Variants in SHROOM3 observed in about 807,000 individuals in gnomAD.
SHROOM3 encodes shroom family member 3.
In SHROOM3, 47 loss-of-function variants were observed where a neutral mutation model predicts 138.6. That is an observed-to-expected ratio of 0.34 (90% CI 0.27 to 0.43). The LOEUF (loss-of-function observed/expected upper bound fraction) is 0.43, where lower values mean the gene tolerates loss of function less well. Ranked by LOEUF, SHROOM3 falls within the 20% of genes least tolerant of loss-of-function variation. The pLI, the probability that SHROOM3 is intolerant of heterozygous loss-of-function variation, is 1.00. For synonymous variants in SHROOM3, 1,062 were observed against 1,063.3 expected, an observed-to-expected ratio of 1.00 and a Z score of 0.02; for missense variants, 2,491 against 2,596.5, an observed-to-expected ratio of 0.96 and a Z score of 0.88.
chr4:76,482,091 G>T (rs1025017350), intron 1 of SHROOM3, among the ~76,000 whole-genome samples: 12 of 152,096 alleles, frequency 7.9e-5, no homozygotes, highest in African/African-American at 2.7e-4. Context: ...TTGAAAACTG[G>T]CATAAGACAA....
At chr4:76,711,838 G>GAAA (rs34892154) in intron 3 of SHROOM3, among the ~76,000 whole-genome samples, 14 of 142,786 alleles carry the variant, frequency 9.8e-5, no homozygotes, top group African/African-American at 2.8e-4. Context: ...GATTTCATTT[G>GAAA]AAAAAAAAAA....
chr4:76,682,171 T>G (rs1045592693), intron 2 of SHROOM3, among the ~76,000 whole-genome samples: 2 of 152,192 alleles, frequency 1.3e-5, no homozygotes, highest in South Asian at 4.1e-4. Flanking sequence ...TCTGTTGTGT[T>G]CCCTTGTTTT....
Position 76,741,812 on chromosome 4 carries a change from G to C in SHROOM3, c.3639G>C (p.Gly1213=). 6.3e-7 allele frequency: 1 copy of C among 1,588,326 alleles called. No homozygotes were observed. Among genetic ancestry groups the C allele is most frequent in the Non-Finnish European group, 8.6e-7 (1 of 1,167,920 alleles). ...CCCCCAGGGAGCCATCCTCCTGGGG[G>C]GCCAGGGCCGGGAAGTCCATGTCGG... ...DETPREPSSW[G]ARAGKSMSAE... is the part of the protein sequence containing the mutation. Residue 1213 remains glycine, a synonymous_variant, in exon 5 of 11, where the codon GGG becomes GGC. Transcript: ENST00000296043. The surrounding 1 kb of genome is among the most constrained non-coding windows in gnomAD (Gnocchi z 6.2).
chr4:76,711,198 G>A (rs1478791252), intron 3 of SHROOM3, among the ~76,000 whole-genome samples: 1 of 152,134 alleles, frequency 6.6e-6, no homozygotes, highest in Non-Finnish European at 1.5e-5. Context: ...TTCAAGCCTA[G>A]ATTCTGCCAC....
At chr4:76,624,312 G>A (rs1213198226) in intron 2 of SHROOM3, among the ~76,000 whole-genome samples, 1 of 152,088 alleles carries the variant, frequency 6.6e-6, no homozygotes, top group African/African-American at 2.4e-5. Context: ...TTTTCTTCTG[G>A]ATGCTGTGTC....
At position 76,741,944 on chromosome 4, in the gene SHROOM3, G is replaced by C; in HGVS notation, c.3753+18G>C. The C allele has an allele frequency of 6.2e-7, 1 of 1,610,148 alleles. No homozygotes were observed. The highest frequency in any genetic ancestry group is 8.5e-7 in the Non-Finnish European group (1 of 1,179,110). ...AGCGCCAGGTACGTGCAACCAGCAA[G>C]TCCTGGCCTCGAACTGTCCCTTCCT... On this transcript the variant is annotated intron_variant, in intron 5 of 10. Transcript: ENST00000296043. This position sits in a 1 kb window ranked among gnomAD's most constrained non-coding sequence, Gnocchi z 6.2.
intron 2 of SHROOM3, among the ~76,000 whole-genome samples, chr4:76,679,345 C>T (rs1487869996): frequency 6.6e-6 from 1 of 152,186 alleles, no homozygotes; most frequent in African/African-American, 2.4e-5. Context: ...CTTTTCATCT[C>T]ATTATCTCCT....
At chr4:76,758,040 G>A (rs1246772447) in intron 8 of SHROOM3, 2 of 152,218 alleles carry the variant, frequency 1.3e-5, no homozygotes, top group Non-Finnish European at 2.9e-5. Flanking sequence ...AGAGCTATGT[G>A]ATACTTACAA....
At chr4:76,526,844 GATCAAACA>G (rs1482384475) in intron 1 of SHROOM3, among the ~76,000 whole-genome samples, 1 of 152,160 alleles carries the variant, frequency 6.6e-6, no homozygotes, top group Non-Finnish European at 1.5e-5. Flanking sequence ...GTCTATGACA[GATCAAACA>G]ATCCACTTGC....
intron 2 of SHROOM3, among the ~76,000 whole-genome samples, chr4:76,620,091 A>AAAAAAAAAAAAAAAAAAG (rs749696462): frequency 7.4e-6 from 1 of 135,352 alleles, no homozygotes; most frequent in Non-Finnish European, 1.5e-5. Flanking sequence ...AAAAAAAAAA[A>AAAAAAAAAAAAAAAAAAG]AAGAAGAAAA....
intron 4 of SHROOM3, among the ~76,000 whole-genome samples, chr4:76,735,796 C>A (rs1178051513): frequency 7.4e-6 from 1 of 135,066 alleles, no homozygotes; most frequent in Non-Finnish European, 1.5e-5. Context: ...GCCGAGATTG[C>A]GCCACTGCAC....
At chr4:76,588,897 TAAACA>T (rs927367950) in intron 2 of SHROOM3, among the ~76,000 whole-genome samples, 1 of 127,326 alleles carries the variant, frequency 7.9e-6, no homozygotes, top group Non-Finnish European at 1.7e-5. Context: ...AAACAAAAAA[TAAACA>T]AAAAAAAAAT....
intron 2 of SHROOM3, among the ~76,000 whole-genome samples, chr4:76,578,687 AC>A (rs1733985551): frequency 6.6e-6 from 1 of 152,090 alleles, no homozygotes; most frequent in African/African-American, 2.4e-5. Flanking sequence ...TCTTGATGGA[AC>A]CTTTTGTGGG....
At chr4:76,534,268 ACT>A (rs1314113421) in intron 1 of SHROOM3, among the ~76,000 whole-genome samples, 12 of 152,010 alleles carry the variant, frequency 7.9e-5, no homozygotes, top group Non-Finnish European at 1.6e-4. Flanking sequence ...TAAAGATTAA[ACT>A]CTCATAAAAC....
chr4:76,733,949 C>CT (rs1307161644), intron 4 of SHROOM3, among the ~76,000 whole-genome samples: 1 of 152,056 alleles, frequency 6.6e-6, no homozygotes, highest in Non-Finnish European at 1.5e-5. Context: ...CCTTGACACT[C>CT]TGTTTTTGCT....
chr4:76,754,356 C>G lies in SHROOM3; in HGVS notation c.3873C>G (p.Leu1291=). ...GAGGCCAAGAAGAGATGCTGCCGCT[C>G]TTCCACCATCTCACCCCTCGTTGGG... ...SERGQEEMLP[L]FHHLTPRWGG... Residue 1291 remains leucine, a synonymous_variant, in exon 7 of 11, where the codon CTC becomes CTG. Coordinates refer to ENST00000296043, the MANE Select transcript of SHROOM3 (RefSeq NM_020859.4). 6.2e-7 allele frequency: 1 copy of G among 1,614,204 alleles called. No individual in the cohort carries two copies. Among genetic ancestry groups the G allele is most frequent in the South Asian group, 1.1e-5 (1 of 91,074 alleles).
intron 1 of SHROOM3, among the ~76,000 whole-genome samples, chr4:76,533,137 C>T (rs775464585): frequency 2.6e-5 from 4 of 152,116 alleles, no homozygotes; most frequent in African/African-American, 4.8e-5. Context: ...TATTTTTGGA[C>T]CATGGTTGAC....
chr4:76,733,289 C>T (rs1256181049), intron 4 of SHROOM3, among the ~76,000 whole-genome samples: 2 of 152,196 alleles, frequency 1.3e-5, no homozygotes, highest in Non-Finnish European at 2.9e-5. Flanking sequence ...TTCTGCACCT[C>T]CTCCTTCCTC....
Position 76,585,387 on chromosome 4 carries a change from C to T in SHROOM3, c.323+29624C>T, listed in dbSNP as rs374911150. On this transcript the variant is annotated intron_variant, in intron 2 of 10. Coordinates refer to ENST00000296043, the MANE Select transcript of SHROOM3 (RefSeq NM_020859.4). ...ATAAACTCAGACACTCTTGGAGTCC[C>T]ATTTTCTTTCTGTGTGTGCTGTTCC... Among the ~76,000 whole-genome samples, 7 of 152,274 alleles carry T rather than the reference C, an allele frequency of 4.6e-5. No homozygotes were observed. In the South Asian group the frequency reaches 1.5e-3, roughly 32 times the overall value.
Sources: allele counts gnomAD v4.1 joint callset (sites outside exome capture counted in the v4.1 genomes callset), GRCh38; gene constraint gnomAD v4.1.1; non-coding constraint Gnocchi (gnomAD v3.1); transcripts MANE v1.5; gene names NCBI Gene and HGNC (gene_info 2026-07-23, HGNC 2026-07-21).